SH3D19: variants seen among roughly 807,000 people sequenced by gnomAD.
The protein encoded by SH3D19 is SH3 domain-containing protein 19.
Under a neutral mutation model 112.1 loss-of-function variants are expected in SH3D19, and 58 were observed. The ratio of observed to expected loss-of-function variants is 0.52; its 90% CI spans 0.42 to 0.64. The LOEUF is 0.64. Among genes scored for constraint, SH3D19 ranks in the 30% least tolerant of loss-of-function variants. The pLI, the probability that SH3D19 is intolerant of heterozygous loss-of-function variation, is 0.00. For synonymous variants in SH3D19, 391 were observed against 448.5 expected, an observed-to-expected ratio of 0.87 and a Z score of 1.62; for missense variants, 1,090 against 1,263.4, an observed-to-expected ratio of 0.86 and a Z score of 2.08.
rs1404260970 is a variant in SH3D19 at position 151,133,189 on chromosome 4, T to C, written c.2534A>G (p.Asp845Gly). 4 of 1,614,154 alleles carry C rather than the reference T, an allele frequency of 2.5e-6. No individual in the cohort carries two copies. In the African/African-American group the frequency reaches 5.3e-5, roughly 22 times the overall value. The part of the protein sequence containing the change: ...ARFEYIGEQK[D>G]ELSFSEGEII... Reference sequence around the variant, plus strand: ...TTCTCCCTCTGAGAAACTCAACTCATCCTTCTGCTCTCCAATATATTCAAA... The same window carrying C: ...TTCTCCCTCTGAGAAACTCAACTCACCCTTCTGCTCTCCAATATATTCAAA... The change falls in exon 16 of 20, where the codon GAT becomes GGT. Residue 845 changes from aspartate to glycine, a missense_variant. Coordinates refer to ENST00000604030, the MANE Select transcript of SH3D19 (RefSeq NM_001378122.1).
At chr4:151,252,325 C>T (rs1009525988) in intron 1 of SH3D19, among the ~76,000 whole-genome samples, 45 of 152,220 alleles carry the variant, frequency 3.0e-4, no homozygotes, top group Non-Finnish European at 5.7e-4. Context: ...AAGTACTCCC[C>T]TTTTATTCTC....
chr4:151,216,259 G>A (rs900358978), intron 2 of SH3D19, among the ~76,000 whole-genome samples: 1 of 152,222 alleles, frequency 6.6e-6, no homozygotes, highest in African/African-American at 2.4e-5. Context: ...GAATTAGCTA[G>A]TACGCTTCTG....
intron 1 of SH3D19, among the ~76,000 whole-genome samples, chr4:151,311,610 G>A (rs546279781): frequency 1.3e-5 from 2 of 151,722 alleles, no homozygotes; most frequent in East Asian, 2.0e-4. Context: ...AGGCCAAAGT[G>A]GGAGGATCAC....
At chr4:151,306,931 C>G (rs1728967063) in intron 1 of SH3D19, among the ~76,000 whole-genome samples, 1 of 152,150 alleles carries the variant, frequency 6.6e-6, no homozygotes, top group Admixed American at 6.5e-5. Context: ...TCTTTATCAT[C>G]CACTCTCCCG....
chr4:151,270,461 G>A (rs572643261), intron 1 of SH3D19, among the ~76,000 whole-genome samples: 16 of 152,234 alleles, frequency 1.1e-4, no homozygotes, highest in Non-Finnish European at 2.2e-4. Flanking sequence ...AGCAGATGCC[G>A]CTATGCCTCC....
At chr4:151,135,420 C>CCTT (rs1579686237) in intron 14 of SH3D19, among the ~76,000 whole-genome samples, 1 of 92,888 alleles carries the variant, frequency 1.1e-5, no homozygotes, top group Non-Finnish European at 2.2e-5. Context: ...TTCTCTATCT[C>CCTT]ATTTTTTTTT....
chr4:151,303,760 G>A (rs1172771093), intron 1 of SH3D19, among the ~76,000 whole-genome samples: 1 of 152,112 alleles, frequency 6.6e-6, no homozygotes, highest in Non-Finnish European at 1.5e-5. Flanking sequence ...GTTTGGGGTG[G>A]TATATGGCCT....
chr4:151,199,097 T>C (rs893029253), intron 2 of SH3D19, among the ~76,000 whole-genome samples: 1 of 151,744 alleles, frequency 6.6e-6, no homozygotes, highest in Non-Finnish European at 1.5e-5. Context: ...CCGAAGGACA[T>C]TAAAGTGATT....
intron 2 of SH3D19, among the ~76,000 whole-genome samples, chr4:151,209,682 A>C (rs1765654220): frequency 2.0e-5 from 3 of 152,134 alleles, no homozygotes; most frequent in Non-Finnish European, 4.4e-5. Context: ...ATCACCCTAA[A>C]AGTTTCCCAA....
chr4:151,253,522 C>T (rs563552737), intron 1 of SH3D19, among the ~76,000 whole-genome samples: 8 of 152,282 alleles, frequency 5.3e-5, no homozygotes, highest in Admixed American at 1.3e-4. Flanking sequence ...GGGCGGATCA[C>T]GAGGTCAGGA....
At chr4:151,242,395 A>G (rs1306429644) in intron 1 of SH3D19, among the ~76,000 whole-genome samples, 1 of 152,164 alleles carries the variant, frequency 6.6e-6, no homozygotes, top group Non-Finnish European at 1.5e-5. Flanking sequence ...CTGTCCTACA[A>G]TGAGTCCTAT....
chr4:151,291,271 G>A, intron 1 of SH3D19: 1 of 1,614,006 alleles, frequency 6.2e-7, no homozygotes, highest in Non-Finnish European at 8.5e-7. Context: ...TATTTCAAGA[G>A]CCAACAATCT....
intron 2 of SH3D19, among the ~76,000 whole-genome samples, chr4:151,217,918 T>C (rs745628774): frequency 4.8e-4 from 73 of 152,160 alleles, no homozygotes; most frequent in Non-Finnish European, 9.1e-4. Flanking sequence ...CATATATATG[T>C]ATACAGATAT....
In SH3D19 at chr4:151,237,394, TAAAG is replaced by T. The variant is rs1561390875; in HGVS notation, c.113-11312_113-11309del. On this transcript the variant is annotated intron_variant, in intron 1 of 19. Coordinates refer to ENST00000604030, the MANE Select transcript of SH3D19 (RefSeq NM_001378122.1). ...GTACATCTCAGAATAACAGCTTACA[TAAAG>T]AAGGTCAGCACCAATTGCTTACCAT... Among the ~76,000 whole-genome samples the T allele has an allele frequency of 2.0e-5, 3 of 152,334 alleles. No homozygotes were observed. The South Asian group carries it at 6.2e-4, about 32-fold the overall frequency.
chr4:151,165,736 C>CATGG, intron 7 of SH3D19, 40 bp from the exon 8 acceptor site: 1 of 1,545,942 alleles, frequency 6.5e-7, no homozygotes, highest in Non-Finnish European at 8.9e-7. Context: ...TTTTAGTTAA[C>CATGG]ATGGACTGAA....
Position 151,144,031 on chromosome 4 carries a change from A to T in SH3D19, c.2102T>A (p.Met701Lys), listed in dbSNP as rs753229911. The T allele has an allele frequency of 5.0e-6, 8 of 1,614,064 alleles. No individual in the cohort carries two copies. Among genetic ancestry groups the T allele is most frequent in the Non-Finnish European group, 6.8e-6 (8 of 1,179,994 alleles). The change falls in exon 12 of 20, where the codon ATG becomes AAG. Residue 701 changes from methionine (M) to lysine (K), a missense_variant. Coordinates refer to ENST00000604030, the MANE Select transcript of SH3D19 (RefSeq NM_001378122.1). ...SKYMRGDVLV[M>K]LKQTENNYLE... ...GTAATTATTTTCCGTCTGCTTCAGC[A>T]TCACAAGTACATCCCCACGCTGCAA...
intron 1 of SH3D19, among the ~76,000 whole-genome samples, chr4:151,303,954 T>A (rs892132676): frequency 1.4e-4 from 22 of 151,838 alleles, no homozygotes; most frequent in African/African-American, 5.1e-4. Context: ...TTTTTTTTTT[T>A]AAACTTGGGC....
intron 1 of SH3D19, chr4:151,282,442 T>C (rs1226192420): frequency 6.2e-7 from 1 of 1,610,184 alleles, no homozygotes; most frequent in Non-Finnish European, 8.5e-7. Context: ...AAGGGTTGTT[T>C]CATATGTCAT....
intron 7 of SH3D19, among the ~76,000 whole-genome samples, chr4:151,172,835 G>C (rs1179599459): frequency 6.6e-6 from 1 of 152,188 alleles, no homozygotes; most frequent in Non-Finnish European, 1.5e-5. Context: ...GTGTGTGATG[G>C]TGTCAATAGT....
Sources: gnomAD v4.1 joint callset for allele counts (sites outside exome capture counted in the v4.1 genomes callset) on GRCh38, gnomAD v4.1.1 for gene constraint, MANE v1.5 for transcripts, NCBI Gene and HGNC (gene_info 2026-07-23, HGNC 2026-07-21) for gene names.